Variants in RCOR3 observed in about 807,000 individuals in gnomAD.
RCOR3 encodes REST corepressor 3.
RCOR3 carries 13 observed loss-of-function variants against 64.1 expected under a neutral mutation model. That is an observed-to-expected ratio of 0.20 (90% CI 0.13 to 0.32). RCOR3 has a LOEUF of 0.32. Ranked by LOEUF, RCOR3 falls within the 10% of genes least tolerant of loss-of-function variation. RCOR3 has a pLI of 1.00. For missense variants in RCOR3, 489 were observed against 701.2 expected (o/e 0.70, Z 3.42); for synonymous variants, 215 against 239.0 (o/e 0.90, Z 0.93).
intron 8 of RCOR3, chr1:211,291,633 A>G (rs1445117606): frequency 2.2e-6 from 1 of 450,800 alleles, no homozygotes; most frequent in South Asian, 1.6e-5. Context: ...TGTGGGATCA[A>G]GATTCTCTAT....
rs545390932 is a variant in RCOR3 at position 211,311,279 on chromosome 1, C to T, written c.1076-1441C>T. Among the ~76,000 whole-genome samples, 29 of 152,148 alleles carry T rather than the reference C, an allele frequency of 1.9e-4. 1 individual carries two copies. The highest frequency in any genetic ancestry group is 6.5e-4 in the African/African-American group (27 of 41,522). ...TTATAAACGATGTCTATCATTGTTACTTTATTGTCATGTACATGTATTTTC... is the reference window on the plus strand; with the variant it reads ...TTATAAACGATGTCTATCATTGTTATTTTATTGTCATGTACATGTATTTTC... On this transcript the variant is annotated intron_variant, in intron 10 of 11. Transcript: ENST00000419091.
At chr1:211,281,197 T>C (rs1020417355) in intron 7 of RCOR3, among the ~76,000 whole-genome samples, 4 of 152,128 alleles carry the variant, frequency 2.6e-5, no homozygotes, top group Non-Finnish European at 4.4e-5. Flanking sequence ...TACTGACTGC[T>C]CCCTTCCTGA....
chr1:211,281,568 GATAAAACACA>G (rs1697816938), intron 7 of RCOR3, among the ~76,000 whole-genome samples: 1 of 152,106 alleles, frequency 6.6e-6, no homozygotes, highest in Admixed American at 6.5e-5. Flanking sequence ...TCGTCTGTAG[GATAAAACACA>G]AACTCTCCAG....
rs1701727077 is a variant in RCOR3 at position 211,313,856 on chromosome 1, C to T, written c.*88C>T. On this transcript the variant is annotated 3_prime_UTR_variant, in exon 12 of 12. Transcript: ENST00000419091. The surrounding 1 kb of genome is among the most constrained non-coding windows in gnomAD (Gnocchi z 4.7). Reference sequence around the variant, plus strand: ...CTGATGAAAAAGAGGAAAGAATAATCATTTCTAGATACTGAGGCTGCGAAC... The same window carrying T: ...CTGATGAAAAAGAGGAAAGAATAATTATTTCTAGATACTGAGGCTGCGAAC... The T allele has an allele frequency of 8.2e-7, 1 of 1,216,384 alleles. No individual in the cohort carries two copies. The highest frequency in any genetic ancestry group is 1.5e-5 in the African/African-American group (1 of 66,446). 75.3% of individuals were successfully genotyped at this position (1,216,384 alleles called of 1,614,324 possible).
chr1:211,279,307 CA>C lies in RCOR3; in HGVS notation c.717del (p.Glu240ArgfsTer42). ...GTGATTATGATCCCAAAAAAGAAGC[CA>C]AAAAAGAGGTAATGATGATCACTAG... Reference protein sequence around the residue: ...DSDYDPKKEAKKEGNTEQPVQ... With the variant: ...DSDYDPKKEAXKEGNTEQPVQ... On this transcript the variant is annotated frameshift_variant, in exon 7 of 12. Coordinates refer to ENST00000419091, the MANE Select transcript of RCOR3 (RefSeq NM_001136223.3). LOFTEE classifies it high-confidence loss of function. 2 of 1,604,646 alleles carry C rather than the reference CA, an allele frequency of 1.2e-6. No homozygotes were observed. The highest frequency in any genetic ancestry group is 1.7e-6 in the Non-Finnish European group (2 of 1,173,188).
At chr1:211,260,198 C>A in intron 2 of RCOR3, 34 bp downstream of exon 2, 2 of 1,598,800 alleles carry the variant, frequency 1.3e-6, no homozygotes, top group Non-Finnish European at 1.7e-6. Context: ...ATCTCATATC[C>A]CCTTTCCTGG....
chr1:211,281,034 C>T (rs116771045), intron 7 of RCOR3, among the ~76,000 whole-genome samples: 2,861 of 148,192 alleles, frequency 0.019, 92 homozygotes, highest in African/African-American at 0.066. Context: ...GAAAACAAAT[C>T]ATCCTTCTTA....
rs376562761 is a variant in RCOR3, at chr1:211,260,122, G to A, written c.181G>A (p.Val61Ile). ...TTGCTTTGCAGATGTTGGGATGAGAGTCGGAGCCGAATACCAAGCTCGGAT... is the reference window on the plus strand; with the variant it reads ...TTGCTTTGCAGATGTTGGGATGAGAATCGGAGCCGAATACCAAGCTCGGAT... ...SDDEHDVGMR[V>I]GAEYQARIPE... The change falls in exon 2 of 12, where the codon GTC becomes ATC. Residue 61 changes from valine to isoleucine, a missense_variant. Transcript: ENST00000419091. The A allele has an allele frequency of 1.8e-5, 29 of 1,612,012 alleles. No homozygotes were observed. The highest frequency in any genetic ancestry group is 2.2e-5 in the Non-Finnish European group (26 of 1,178,770).
At chr1:211,289,536 T>C (rs1698982908) in intron 8 of RCOR3, 140 bp downstream of exon 8, 1 of 671,172 alleles carries the variant, frequency 1.5e-6, no homozygotes, top group African/African-American at 1.8e-5. Flanking sequence ...AAAGTTTATC[T>C]TAAGTCCAAC....
At chr1:211,271,354 AG>A (rs1402602315) in intron 3 of RCOR3, 45 bp downstream of exon 3, 2 of 1,487,904 alleles carry the variant, frequency 1.3e-6, no homozygotes, top group Non-Finnish European at 1.9e-6. Flanking sequence ...GGAGTTTATC[AG>A]CCAATTCAAA....
intron 2 of RCOR3, among the ~76,000 whole-genome samples, chr1:211,268,525 A>G (rs1695614170): frequency 6.6e-6 from 1 of 151,668 alleles, no homozygotes; most frequent in South Asian, 2.1e-4. Context: ...GATTACAGGC[A>G]TGCGCCACCA....
chr1:211,269,966 AAAAG>A (rs1047812934), intron 2 of RCOR3, among the ~76,000 whole-genome samples: 3 of 152,198 alleles, frequency 2.0e-5, no homozygotes, highest in African/African-American at 7.2e-5. Flanking sequence ...CACATGTTTA[AAAAG>A]AAAGAAAGAA....
At chr1:211,291,607 C>T in intron 8 of RCOR3, 1 of 455,956 alleles carries the variant, frequency 2.2e-6, no homozygotes. Flanking sequence ...AATGTAAGAA[C>T]CTTGCAACAG....
chr1:211,298,091 C>T (rs555873010), intron 9 of RCOR3, among the ~76,000 whole-genome samples: 3 of 151,988 alleles, frequency 2.0e-5, no homozygotes, highest in East Asian at 3.9e-4. Flanking sequence ...GTGTTAGGCC[C>T]GGTGAGAAGT....
At chr1:211,307,333 C>G (rs982736446) in intron 10 of RCOR3, among the ~76,000 whole-genome samples, 1 of 151,838 alleles carries the variant, frequency 6.6e-6, no homozygotes, top group African/African-American at 2.4e-5. Context: ...ACTGAAAATA[C>G]AAAAAATTAG....
intron 8 of RCOR3, among the ~76,000 whole-genome samples, chr1:211,292,461 C>T (rs893839863): frequency 6.6e-6 from 1 of 152,198 alleles, no homozygotes; most frequent in Non-Finnish European, 1.5e-5. Flanking sequence ...ACTTCATTCT[C>T]AGTACTACTA....
chr1:211,280,115 G>A (rs1697572576), intron 7 of RCOR3, among the ~76,000 whole-genome samples: 1 of 152,126 alleles, frequency 6.6e-6, no homozygotes, highest in Admixed American at 6.5e-5. Context: ...TAGTACCCAG[G>A]ACATAGAAAT....
At chr1:211,271,540 T>C (rs573959856) in intron 3 of RCOR3, 1 of 602,670 alleles carries the variant, frequency 1.7e-6, no homozygotes, top group East Asian at 3.6e-5. Context: ...CCATGAAGAA[T>C]GAAAAAACCT....
chr1:211,276,882 C>G (rs1383319005), intron 5 of RCOR3, among the ~76,000 whole-genome samples: 13 of 151,800 alleles, frequency 8.6e-5, no homozygotes, highest in Non-Finnish European at 1.6e-4. Context: ...GTCAGGAGAT[C>G]GAGACCATCC....
Sources: gnomAD v4.1 joint callset for allele counts (sites outside exome capture counted in the v4.1 genomes callset) on GRCh38, gnomAD v4.1.1 for gene constraint, Gnocchi (gnomAD v3.1) non-coding constraint, MANE v1.5 for transcripts, NCBI Gene and HGNC (gene_info 2026-07-23, HGNC 2026-07-21) for gene names.